PLCE1: variants seen among roughly 807,000 people sequenced by gnomAD.
PLCE1 encodes the protein phospholipase C epsilon 1.
A neutral mutation model predicts 242.8 loss-of-function variants in PLCE1; 119 were observed. That is an observed-to-expected ratio of 0.49 (90% confidence interval 0.42 to 0.57). PLCE1 has a LOEUF of 0.57. Ranked by LOEUF, PLCE1 falls within the 20% of genes least tolerant of loss-of-function variation. The pLI is 0.00. For missense variants in PLCE1, 2,441 were observed against 2,788.8 expected, an observed-to-expected ratio of 0.88 and a Z score of 2.81; for synonymous variants, 945 against 1,017.4, an observed-to-expected ratio of 0.93 and a Z score of 1.35.
intron 1 of PLCE1, among the ~76,000 whole-genome samples, chr10:94,021,395 T>C (rs906339054): frequency 5.3e-5 from 8 of 152,112 alleles, no homozygotes; most frequent in Non-Finnish European, 1.2e-4. Context: ...TTGTTTTAGA[T>C]TTTATATTCT....
intron 22 of PLCE1, chr10:94,287,477 A>AC (rs1457233621): frequency 6.6e-6 from 1 of 151,920 alleles, no homozygotes; most frequent in African/African-American, 2.4e-5. Flanking sequence ...CAAAAAAAAA[A>AC]AAAAAACCCT....
intron 11 of PLCE1, among the ~76,000 whole-genome samples, chr10:94,256,338 A>AG (rs1554896746): frequency 7.1e-6 from 1 of 140,440 alleles, no homozygotes; most frequent in Non-Finnish European, 1.5e-5. Flanking sequence ...AAAAAAAAAA[A>AG]AAAGAAAGAA....
chr10:94,151,667 G>A (rs541530177), intron 3 of PLCE1, among the ~76,000 whole-genome samples: 29 of 152,250 alleles, frequency 1.9e-4, no homozygotes, highest in African/African-American at 7.0e-4. Flanking sequence ...TGAGAGAGGG[G>A]TGTGCAAAGG....
intron 1 of PLCE1, among the ~76,000 whole-genome samples, 157 bp downstream of exon 1, chr10:93,994,415 C>T (rs967159260): frequency 5.9e-5 from 9 of 152,250 alleles, no homozygotes; most frequent in South Asian, 2.1e-4. Context: ...CCGAGGCGGG[C>T]GGTCCTCCAG....
chr10:94,109,043 C>G (rs1289185057), intron 2 of PLCE1: 1 of 152,170 alleles, frequency 6.6e-6, no homozygotes, highest in Non-Finnish European at 1.5e-5. Flanking sequence ...AAACCCAGGT[C>G]CTCTGATTCC....
chr10:94,225,630 A>G (rs766574176), intron 4 of PLCE1, among the ~76,000 whole-genome samples: 15 of 152,146 alleles, frequency 9.9e-5, no homozygotes, highest in South Asian at 2.1e-4. Context: ...GATTCTGTCT[A>G]AAAAAGGAAG....
intron 4 of PLCE1, among the ~76,000 whole-genome samples, chr10:94,172,358 T>G (rs2048011301): frequency 6.6e-6 from 1 of 152,250 alleles, no homozygotes; most frequent in African/African-American, 2.4e-5. Context: ...TCTTTTGTTT[T>G]GTGTATTCAA....
At chr10:94,067,807 A>G (rs1251128751) in intron 2 of PLCE1, among the ~76,000 whole-genome samples, 1 of 152,224 alleles carries the variant, frequency 6.6e-6, no homozygotes, top group African/African-American at 2.4e-5. Flanking sequence ...AACCTGGGTT[A>G]GTGCTGGCCT....
intron 4 of PLCE1, among the ~76,000 whole-genome samples, chr10:94,209,240 G>T (rs2049259654): frequency 6.6e-6 from 1 of 152,182 alleles, no homozygotes; most frequent in Non-Finnish European, 1.5e-5. Context: ...TGCTACAGGT[G>T]TTGAGTATAT....
intron 2 of PLCE1, chr10:94,089,455 C>A: frequency 8.5e-7 from 1 of 1,170,704 alleles, no homozygotes; most frequent in East Asian, 2.4e-5. Context: ...TTACTAGCAC[C>A]ATTGTGCAGT....
intron 1 of PLCE1, among the ~76,000 whole-genome samples, chr10:93,997,911 T>C (rs749465483): frequency 2.0e-5 from 3 of 152,162 alleles, no homozygotes; most frequent in Admixed American, 2.0e-4. Context: ...TGTTGAAATC[T>C]TTGGCATGTG....
chr10:94,148,164 A>G (rs1012402038), intron 3 of PLCE1, among the ~76,000 whole-genome samples: 3 of 152,220 alleles, frequency 2.0e-5, no homozygotes, highest in African/African-American at 7.2e-5. Flanking sequence ...ATAATGGGTT[A>G]AAAAGTAAAT....
chr10:94,191,301 C>G (rs926032518), intron 4 of PLCE1, among the ~76,000 whole-genome samples: 8 of 150,644 alleles, frequency 5.3e-5, no homozygotes, highest in African/African-American at 2.0e-4. Flanking sequence ...CAGAGAGGAC[C>G]CCCCCTGCCC....
chr10:94,077,610 A>G (rs1159247332), intron 2 of PLCE1, among the ~76,000 whole-genome samples: 1 of 152,110 alleles, frequency 6.6e-6, no homozygotes, highest in Non-Finnish European at 1.5e-5. Flanking sequence ...AAAAATATAA[A>G]TAAATAAATT....
At chr10:94,059,141 G>C (rs961778586) in intron 2 of PLCE1, among the ~76,000 whole-genome samples, 1 of 152,202 alleles carries the variant, frequency 6.6e-6, no homozygotes, top group African/African-American at 2.4e-5. Flanking sequence ...AACTAGACAT[G>C]TGGAAAGGAA....
chr10:94,259,234 C>G, intron 13 of PLCE1, 84 bp downstream of exon 13: 1 of 1,369,798 alleles, frequency 7.3e-7, no homozygotes, highest in Non-Finnish European at 1.0e-6. Context: ...AAACTCTGAG[C>G]CTGTCCCACA....
chr10:94,027,799 G>A (rs959452360), intron 1 of PLCE1, among the ~76,000 whole-genome samples: 4 of 151,086 alleles, frequency 2.6e-5, no homozygotes. Flanking sequence ...CCAGCCTGGC[G>A]ACAGAGTGAG....
chr10:94,179,344 C>T (rs1480927104), intron 4 of PLCE1, among the ~76,000 whole-genome samples: 1 of 152,026 alleles, frequency 6.6e-6, no homozygotes, highest in African/African-American at 2.4e-5. Context: ...GCTTTCCTCA[C>T]CCAGAGTAAC....
At chr10:94,073,173 C>T (rs552574051) in intron 2 of PLCE1, among the ~76,000 whole-genome samples, 12 of 152,136 alleles carry the variant, frequency 7.9e-5, no homozygotes, top group Non-Finnish European at 1.5e-4. Flanking sequence ...CCCACCAACC[C>T]CAGGCAGTTC....
Sources: gnomAD v4.1 joint callset for allele counts (sites outside exome capture counted in the v4.1 genomes callset) on GRCh38, gnomAD v4.1.1 for gene constraint, MANE v1.5 for transcripts, NCBI Gene and HGNC (gene_info 2026-07-23, HGNC 2026-07-21) for gene names.